The following BRINP2 variants were observed in gnomAD, a reference collection of about 807,000 sequenced individuals.
BRINP2 encodes BMP/retinoic acid inducible neural specific 2.
In BRINP2, 21 loss-of-function variants were observed where a neutral mutation model predicts 69.2. The observed-to-expected ratio is 0.30, with a 90% CI of 0.22 to 0.44. The LOEUF is 0.44. BRINP2 is among the 20% of genes least tolerant of loss of function. BRINP2 has a pLI of 1.00. For missense variants in BRINP2, 877 were observed against 986.0 expected, an observed-to-expected ratio of 0.89 and a Z score of 1.48; for synonymous variants, 380 against 394.1, an observed-to-expected ratio of 0.96 and a Z score of 0.42.
At chr1:177,191,662 G>A (rs1048872755) in intron 1 of BRINP2, among the ~76,000 whole-genome samples, 1 of 152,014 alleles carries the variant, frequency 6.6e-6, no homozygotes, top group Admixed American at 6.6e-5. Context: ...CATCTTGTTG[G>A]CCAGGCTGGT....
At position 177,275,201 on chromosome 1, in the gene BRINP2, T is replaced by C. The variant is rs142314418; in HGVS notation, c.776-997T>C. On this transcript the variant is annotated intron_variant, in intron 5 of 7. Coordinates refer to ENST00000361539, the MANE Select transcript of BRINP2 (RefSeq NM_021165.4). ...CTTTGGTAAGCTTCCAGCAGCCGCC[T>C]TGTGAGTGGCTTGAAGCCAACTAGG... is the stretch of plus-strand genomic sequence containing the variant. The C allele has an allele frequency of 3.1e-4, 143 of 456,286 alleles. 1 individual carries two copies. The highest frequency in any genetic ancestry group is 2.7e-3 in the African/African-American group (136 of 50,212). 28.3% of individuals were successfully genotyped at this position (456,286 alleles called of 1,614,324 possible).
rs996336655 is a variant in BRINP2, at chr1:177,273,923, C to T, written c.775+330C>T. 3.9e-5 allele frequency among the ~76,000 whole-genome samples: 6 copies of T among 152,304 alleles called. No individual in the cohort carries two copies. The South Asian group carries it at 6.2e-4, about 16-fold the overall frequency. On this transcript the variant is annotated intron_variant, in intron 5 of 7. Coordinates refer to ENST00000361539, the MANE Select transcript of BRINP2 (RefSeq NM_021165.4). ...TATAAGAAGCCTTTACCTAGTTCAA[C>T]GATCTTCATTTCCCAGAAAACCCTC...
At chr1:177,191,432 C>T (rs1368227674) in intron 1 of BRINP2, among the ~76,000 whole-genome samples, 1 of 152,000 alleles carries the variant, frequency 6.6e-6, no homozygotes, top group African/African-American at 2.4e-5. Context: ...CCCTCCCTCC[C>T]TCCTCTTTTT....
chr1:177,185,772 C>A (rs1205620112), intron 1 of BRINP2, among the ~76,000 whole-genome samples: 1 of 152,064 alleles, frequency 6.6e-6, no homozygotes, highest in East Asian at 1.9e-4. Context: ...GAATTTGAAC[C>A]CAAGCAGTGT....
chr1:177,281,196 A>T lies in BRINP2; in HGVS notation c.2020A>T (p.Asn674Tyr). 6.2e-7 allele frequency: 1 copy of T among 1,614,156 alleles called. No homozygotes were observed. The highest frequency in any genetic ancestry group is 8.5e-7 in the Non-Finnish European group (1 of 1,180,032). The change falls in exon 8 of 8, where the codon AAT (asparagine) becomes TAT (tyrosine). Residue 674 changes from asparagine to tyrosine, a missense_variant. This residue lies in a region of BRINP2 where 225 missense variants were observed against 218.7 expected (regional missense o/e 1.03). Transcript: ENST00000361539. ...CCTGGAGATGACTGATCCCTCTAAG[A>T]ATTTGGGTTACATGAAAATTAACAC... ...EPLEMTDPSK[N>Y]LGYMKINTLQ...
intron 1 of BRINP2, among the ~76,000 whole-genome samples, chr1:177,206,694 T>C (rs1193256049): frequency 6.6e-6 from 1 of 152,172 alleles, no homozygotes; most frequent in Non-Finnish European, 1.5e-5. Flanking sequence ...CAGCCAGTGA[T>C]AGGAGTCCCC....
At chr1:177,242,260 G>A (rs1450516419) in intron 2 of BRINP2, among the ~76,000 whole-genome samples, 1 of 152,048 alleles carries the variant, frequency 6.6e-6, no homozygotes, top group African/African-American at 2.4e-5. Flanking sequence ...CTAAGTCCTT[G>A]TTGGTCCATC....
chr1:177,211,597 C>A (rs999788075), intron 1 of BRINP2, among the ~76,000 whole-genome samples: 1 of 152,110 alleles, frequency 6.6e-6, no homozygotes, highest in Non-Finnish European at 1.5e-5. Flanking sequence ...TCGTTCTGTC[C>A]AGCCCTGTGT....
At chr1:177,274,336 G>A (rs767493913) in intron 5 of BRINP2, among the ~76,000 whole-genome samples, 3 of 152,150 alleles carry the variant, frequency 2.0e-5, no homozygotes, top group South Asian at 2.1e-4. Flanking sequence ...TTTTCTCAAG[G>A]CCTAACTGAA....
At chr1:177,178,786 T>C (rs905387234) in intron 1 of BRINP2, among the ~76,000 whole-genome samples, 2 of 152,144 alleles carry the variant, frequency 1.3e-5, no homozygotes, top group Non-Finnish European at 2.9e-5. Context: ...TGGGTCATAT[T>C]CCTAGGCACT....
chr1:177,270,167 A>G (rs894047903), intron 4 of BRINP2, among the ~76,000 whole-genome samples: 9 of 151,896 alleles, frequency 5.9e-5, no homozygotes, highest in Non-Finnish European at 1.2e-4. Flanking sequence ...AGCTCCCTCT[A>G]TTCTTTTCAC....
At chr1:177,234,654 G>T (rs1208533305) in intron 2 of BRINP2, among the ~76,000 whole-genome samples, 3 of 152,168 alleles carry the variant, frequency 2.0e-5, no homozygotes, top group Non-Finnish European at 4.4e-5. Context: ...ACGATGAGTG[G>T]TTGGGAGGAA....
At chr1:177,275,198 G>T (rs769532845) in intron 5 of BRINP2, 2 of 456,278 alleles carry the variant, frequency 4.4e-6, no homozygotes. Flanking sequence ...TCCAGCAGCC[G>T]CCTTGTGAGT....
rs374046215 is a variant in BRINP2, at chr1:177,276,260, A to G, written c.838A>G (p.Ile280Val). 34 of 1,614,080 alleles carry G rather than the reference A, an allele frequency of 2.1e-5. 1 individual carries two copies. The African/African-American group carries it at 3.9e-4, about 18-fold the overall frequency. ...ERFVAAALSYITCSSEGELVC... is the reference protein window; with the variant it reads ...ERFVAAALSYVTCSSEGELVC... ...CTTTGTAGCTGCAGCACTCAGCTAC[A>G]TCACATGCAGCTCTGAGGGTGAGCT... The change falls in exon 6 of 8, where the codon ATC (isoleucine) becomes GTC (valine). Residue 280 changes from isoleucine (I) to valine (V), a missense_variant. By Grantham distance (29) the Ile-to-Val change is conservative. This residue lies in a region of BRINP2 where 566 missense variants were observed against 625.2 expected (regional missense o/e 0.91). Transcript: ENST00000361539.
intron 4 of BRINP2, among the ~76,000 whole-genome samples, chr1:177,260,891 GT>G (rs1404210733): frequency 6.6e-6 from 1 of 152,138 alleles, no homozygotes; most frequent in Non-Finnish European, 1.5e-5. Context: ...TATTACAGTG[GT>G]CTAAAGCTGA....
chr1:177,273,291 A>G (rs1651389884), intron 4 of BRINP2, among the ~76,000 whole-genome samples, 197 bp from the exon 5 acceptor site: 1 of 152,214 alleles, frequency 6.6e-6, no homozygotes, highest in Admixed American at 6.5e-5. Context: ...GCTGCCAGCT[A>G]TATGTAACAG....
At chr1:177,222,864 G>A (rs1649579113) in intron 1 of BRINP2, among the ~76,000 whole-genome samples, 1 of 152,160 alleles carries the variant, frequency 6.6e-6, no homozygotes, top group Non-Finnish European at 1.5e-5. Flanking sequence ...ACTGGAAGTG[G>A]AAGGCAGATT....
intron 1 of BRINP2, among the ~76,000 whole-genome samples, chr1:177,200,293 C>CAGAAAAAAAAA (rs1648868001): frequency 2.9e-5 from 1 of 34,794 alleles, no homozygotes; most frequent in Non-Finnish European, 5.5e-5. Context: ...AACTCTGTCT[C>CAGAAAAAAAAA]AAAAAAAAAA....
chr1:177,242,960 T>A (rs2102334828), intron 2 of BRINP2, among the ~76,000 whole-genome samples: 1 of 152,308 alleles, frequency 6.6e-6, no homozygotes, highest in East Asian at 1.9e-4. Flanking sequence ...CTTTTAGTTG[T>A]GTAAATTATT....
Sources: gnomAD v4.1 joint callset for allele counts (sites outside exome capture counted in the v4.1 genomes callset) on GRCh38, gnomAD v4.1.1 for gene constraint, gnomAD v4.1.1 regional missense constraint, MANE v1.5 for transcripts, NCBI Gene and HGNC (gene_info 2026-07-23, HGNC 2026-07-21) for gene names.